CEP85: variants seen among roughly 807,000 people sequenced by gnomAD.
CEP85 encodes centrosomal protein of 85 kDa.
CEP85 carries 58 observed loss-of-function variants against 93.7 expected under a neutral mutation model. That is an observed-to-expected ratio of 0.62 (90% CI 0.50 to 0.77). CEP85 has a LOEUF of 0.77. Among genes scored for constraint, CEP85 ranks in the 30% least tolerant of loss-of-function variants. The pLI is 0.00. For missense variants in CEP85, 868 were observed against 922.0 expected (o/e 0.94, Z 0.76); for synonymous variants, 314 against 338.6 (o/e 0.93, Z 0.80).
chr1:26,260,591 G>T (rs900912465), intron 7 of CEP85, among the ~76,000 whole-genome samples: 7 of 152,078 alleles, frequency 4.6e-5, no homozygotes, highest in Non-Finnish European at 7.3e-5. Flanking sequence ...AAGTTATTTG[G>T]TTTTGTTGGT....
intron 1 of CEP85, among the ~76,000 whole-genome samples, chr1:26,235,521 C>T (rs759011833): frequency 5.4e-5 from 8 of 149,206 alleles, no homozygotes; most frequent in Non-Finnish European, 1.2e-4. Flanking sequence ...TGATGTGGTT[C>T]TCTTAACAGC....
chr1:26,268,442 G>A, intron 7 of CEP85, 41 bp from the exon 8 acceptor site: 1 of 1,612,180 alleles, frequency 6.2e-7, no homozygotes, highest in South Asian at 1.1e-5. Context: ...GGGTCATAGT[G>A]GAGTGAATGG....
chr1:26,251,768 T>C (rs1356323517), intron 3 of CEP85, among the ~76,000 whole-genome samples: 1 of 152,116 alleles, frequency 6.6e-6, no homozygotes, highest in Non-Finnish European at 1.5e-5. Flanking sequence ...ATTTGGTGAA[T>C]CTAGAGAGAG....
intron 4 of CEP85, among the ~76,000 whole-genome samples, chr1:26,256,103 T>C (rs1233758529): frequency 6.6e-6 from 1 of 152,176 alleles, no homozygotes; most frequent in Non-Finnish European, 1.5e-5. Flanking sequence ...TAAAAACGTA[T>C]TTATACGTCA....
At chr1:26,265,002 T>TTTA (rs1473355727) in intron 7 of CEP85, among the ~76,000 whole-genome samples, 3 of 144,196 alleles carry the variant, frequency 2.1e-5, no homozygotes, top group African/African-American at 7.8e-5. Flanking sequence ...TTTTTTTTTT[T>TTTA]TAGATAGAGT....
chr1:26,243,969 G>T (rs538694158), intron 2 of CEP85, among the ~76,000 whole-genome samples, 197 bp from the exon 3 acceptor site: 2 of 139,832 alleles, frequency 1.4e-5, no homozygotes, highest in East Asian at 2.0e-4. Context: ...CTCAAGCCTG[G>T]GTGACAGAGC....
chr1:26,241,640 A>G (rs980275578), intron 2 of CEP85, among the ~76,000 whole-genome samples: 6 of 152,190 alleles, frequency 3.9e-5, no homozygotes, highest in Admixed American at 3.3e-4. Flanking sequence ...AGTTTTTGGA[A>G]CAATGCCTTT....
At chr1:26,264,875 C>T (rs1248826209) in intron 7 of CEP85, among the ~76,000 whole-genome samples, 1 of 151,376 alleles carries the variant, frequency 6.6e-6, no homozygotes, top group African/African-American at 2.4e-5. Context: ...TGCAGTGTCA[C>T]GATTTAGGCT....
rs2090066790 is a variant in CEP85, at chr1:26,277,219, G to A, written c.2212G>A (p.Asp738Asn). ...AGAAGAGGTTCAACAGCTGCGTCGT[G>A]ACATTGAGGACTTAAGGACCACCAT... Reference protein sequence around the residue: ...KLEEVQQLRRDIEDLRTTMSD... With the variant: ...KLEEVQQLRRNIEDLRTTMSD... The change falls in exon 14 of 14, where the codon GAC becomes AAC. Residue 738 changes from aspartate (D) to asparagine (N), a missense_variant. Transcript: ENST00000451429. The A allele has an allele frequency of 3.1e-6, 5 of 1,614,048 alleles. No homozygotes were observed. Among genetic ancestry groups the A allele is most frequent in the African/African-American group, 1.3e-5 (1 of 74,932 alleles).
intron 2 of CEP85, among the ~76,000 whole-genome samples, chr1:26,243,104 C>T (rs2089453061): frequency 6.6e-6 from 1 of 151,008 alleles, no homozygotes; most frequent in Non-Finnish European, 1.5e-5. Context: ...TGAGGGTACC[C>T]TGGTTCAGTG....
chr1:26,250,925 CT>C lies in CEP85; in HGVS notation c.209-4240del, dbSNP rs71581048. Among the ~76,000 whole-genome samples, 14 of 55,160 alleles carry C rather than the reference CT, an allele frequency of 2.5e-4. 1 individual carries two copies. The highest frequency in any genetic ancestry group is 5.9e-4 in the African/African-American group (10 of 17,046). 36.2% of individuals were successfully genotyped at this position (55,160 alleles called of 152,430 possible). A position where few individuals can be genotyped will look rare whatever the true frequency, so the allele number is the denominator to read the frequency against. On this transcript the variant is annotated intron_variant, in intron 3 of 13. Coordinates refer to ENST00000451429, the MANE Select transcript of CEP85 (RefSeq NM_001319944.2). ...TGAGCCAAGCTTGCCTTTTTTTTTT[CT>C]TTTTTCTTTTTTTTTTTTTTTTTTT...
At chr1:26,245,331 C>A (rs1317560360) in intron 3 of CEP85, among the ~76,000 whole-genome samples, 1 of 152,100 alleles carries the variant, frequency 6.6e-6, no homozygotes, top group Non-Finnish European at 1.5e-5. Context: ...CCACCATACC[C>A]AGCTGGTTTT....
intron 1 of CEP85, among the ~76,000 whole-genome samples, chr1:26,235,504 CTT>C (rs112636301): frequency 2.1e-4 from 32 of 149,870 alleles, no homozygotes; most frequent in African/African-American, 6.6e-4. Context: ...CAAATCCTCT[CTT>C]GTCTTGATGT....
At position 26,257,641 on chromosome 1, in the gene CEP85, T is replaced by G; in HGVS notation, c.948T>G (p.Pro316=). Reference sequence around the variant, plus strand: ...GCCACCATCCTGCTGCTTTTGGTCCTTCACTGCCCATCTTAGAGCCAGCAC... The same window carrying G: ...GCCACCATCCTGCTGCTTTTGGTCCGTCACTGCCCATCTTAGAGCCAGCAC... The part of the protein sequence containing the change: ...AICHHPAAFG[P]SLPILEPAQW... Residue 316 remains proline (P), a synonymous_variant, in exon 5 of 14, where the codon CCT becomes CCG. Transcript: ENST00000451429. The G allele has an allele frequency of 6.2e-7, 1 of 1,614,196 alleles. No homozygotes were observed. The highest frequency in any genetic ancestry group is 2.2e-5 in the East Asian group (1 of 44,890).
chr1:26,257,719 T>G lies in CEP85; in HGVS notation c.1026T>G (p.Leu342=). Residue 342 remains leucine, a synonymous_variant, in exon 5 of 14, where the codon CTT becomes CTG. Coordinates refer to ENST00000451429, the MANE Select transcript of CEP85 (RefSeq NM_001319944.2). ...AACACCTTCTGAAGGAAAAAGAGCT[T>G]CTCATTGACAAGTAAGAGGGCAAGG... ...SNEHLLKEKE[L]LIDKQRKHIS... 2 of 1,614,028 alleles carry G rather than the reference T, an allele frequency of 1.2e-6. No homozygotes were observed. Among genetic ancestry groups the G allele is most frequent in the Non-Finnish European group, 1.7e-6 (2 of 1,179,980 alleles).
At chr1:26,272,920 T>C (rs1167427505) in intron 11 of CEP85, among the ~76,000 whole-genome samples, 2 of 152,118 alleles carry the variant, frequency 1.3e-5, no homozygotes, top group Non-Finnish European at 2.9e-5. Flanking sequence ...TGAGCCATCA[T>C]GCCCAGCCTA....
Position 26,278,742 on chromosome 1 carries a change from G to C in CEP85, c.*1449G>C, listed in dbSNP as rs1159474592. On this transcript the variant is annotated 3_prime_UTR_variant, in exon 14 of 14. Coordinates refer to ENST00000451429, the MANE Select transcript of CEP85 (RefSeq NM_001319944.2). ...AAAGTTTATAACCAGTTATTTATAT[G>C]AATCTTTGTTATGTCCATTTGTTTG... The C allele has an allele frequency of 6.6e-6, 1 of 152,568 alleles. No individual in the cohort carries two copies. Among genetic ancestry groups the C allele is most frequent in the Admixed American group, 6.6e-5 (1 of 15,266 alleles). 9.5% of individuals were successfully genotyped at this position (152,568 alleles called of 1,614,324 possible).
chr1:26,259,026 T>A (rs2089766053), intron 6 of CEP85, among the ~76,000 whole-genome samples: 1 of 152,152 alleles, frequency 6.6e-6, no homozygotes, highest in Non-Finnish European at 1.5e-5. Context: ...ATTTGGGCAT[T>A]TGAATGTTGG....
rs71581048 is a variant in CEP85 at position 26,250,925 on chromosome 1, C to CTTTTTTTTTTT, written c.209-4240_209-4239insTTTTTTTTTTT. 8.0e-3 allele frequency among the ~76,000 whole-genome samples: 442 copies of CTTTTTTTTTTT among 55,038 alleles called. 51 individuals are homozygous for CTTTTTTTTTTT. Among genetic ancestry groups the CTTTTTTTTTTT allele is most frequent in the East Asian group, 0.039 (67 of 1,706 alleles). The allele number at this position is 55,038 out of a possible 152,430, so 36.1% of individuals were successfully genotyped here. A position where few individuals can be genotyped will look rare whatever the true frequency, so the allele number is the denominator to read the frequency against. ...TGAGCCAAGCTTGCCTTTTTTTTTT[C>CTTTTTTTTTTT]TTTTTTCTTTTTTTTTTTTTTTTTT... On this transcript the variant is annotated intron_variant, in intron 3 of 13. Coordinates refer to ENST00000451429, the MANE Select transcript of CEP85 (RefSeq NM_001319944.2).
Sources: gnomAD v4.1 joint callset for allele counts (sites outside exome capture counted in the v4.1 genomes callset) on GRCh38, gnomAD v4.1.1 for gene constraint, MANE v1.5 for transcripts, NCBI Gene and HGNC (gene_info 2026-07-23, HGNC 2026-07-21) for gene names.